The following STX11 variants were observed in gnomAD, a reference collection of about 807,000 sequenced individuals.
The protein encoded by STX11 is syntaxin 11.
STX11 carries 21 observed loss-of-function variants against 19.9 expected under a neutral mutation model. That is an observed-to-expected ratio of 1.06 (90% confidence interval 0.75 to 1.52). STX11 has a LOEUF of 1.52. STX11 is among the 40% of genes most tolerant of loss of function. The pLI, the probability that STX11 is intolerant of heterozygous loss-of-function variation, is 0.00. For synonymous variants in STX11, 193 were observed against 174.4 expected (o/e 1.11, Z -0.84); for missense variants, 438 against 405.9 (o/e 1.08, Z -0.68).
intron 1 of STX11, among the ~76,000 whole-genome samples, chr6:144,173,640 A>G (rs1398240179): frequency 6.6e-6 from 1 of 152,184 alleles, no homozygotes; most frequent in Non-Finnish European, 1.5e-5. Flanking sequence ...CACTTTCAAC[A>G]TTGTCTGGAG....
upstream of STX11, among the ~76,000 whole-genome samples, chr6:144,148,653 A>G (rs1029510413): frequency 5.3e-5 from 8 of 152,068 alleles, no homozygotes; most frequent in African/African-American, 1.9e-4. Flanking sequence ...GTTTTTCCCC[A>G]AGTCCTTTTT....
chr6:144,151,230 T>G lies in STX11; in HGVS notation c.-6+527T>G. ...CCTTCGAAGCCCACGTAAGACTTTGTTTTAGAAACATGGAGAGAAGTAGTG... is the reference window on the plus strand; with the variant it reads ...CCTTCGAAGCCCACGTAAGACTTTGGTTTAGAAACATGGAGAGAAGTAGTG... On this transcript the variant is annotated intron_variant, in intron 1 of 1. Transcript: ENST00000367568. This position sits in a 1 kb window ranked among gnomAD's most constrained non-coding sequence, Gnocchi z 4.6. The G allele has an allele frequency of 1.0e-6, 1 of 985,334 alleles. No individual in the cohort carries two copies. The highest frequency in any genetic ancestry group is 1.2e-6 in the Non-Finnish European group (1 of 829,884). 61.0% of individuals were successfully genotyped at this position (985,334 alleles called of 1,614,324 possible).
At chr6:144,163,173 G>C (rs1801386766) in intron 1 of STX11, among the ~76,000 whole-genome samples, 1 of 152,186 alleles carries the variant, frequency 6.6e-6, no homozygotes, top group Non-Finnish European at 1.5e-5. Flanking sequence ...AGTCGATAAT[G>C]GGGAAGTTGC....
At position 144,158,954 on chromosome 6, in the gene STX11, C is replaced by T. The variant is rs567317127; in HGVS notation, c.-6+8251C>T. On this transcript the variant is annotated intron_variant, in intron 1 of 1. Transcript: ENST00000367568. ...CCCTACCAAGCTAACTCCTTTTAAA[C>T]CTTTTAGGATCAGCTCAGACACCAC... Among the ~76,000 whole-genome samples the T allele has an allele frequency of 6.0e-4, 92 of 152,334 alleles. 1 individual carries two copies. The Middle Eastern group carries it at 0.017, about 28-fold the overall frequency.
the STX11 span, among the ~76,000 whole-genome samples, chr6:144,140,209 C>CATATATATATAT: frequency 5.0e-4 from 22 of 44,396 alleles, no homozygotes; most frequent in African/African-American, 9.1e-4. Flanking sequence ...GGTCAATTCA[C>CATATATATATAT]ATATATATAT....
In STX11 at chr6:144,190,268, C is replaced by A. The variant is rs1584068653; in HGVS notation, c.*2777C>A. Among the ~76,000 whole-genome samples, 1 of 152,158 alleles carries A rather than the reference C, an allele frequency of 6.6e-6. No homozygotes were observed. The highest frequency in any genetic ancestry group is 1.5e-5 in the Non-Finnish European group (1 of 68,028). On this transcript the variant is annotated 3_prime_UTR_variant, in exon 2 of 2. Coordinates refer to ENST00000367568, the MANE Select transcript of STX11 (RefSeq NM_003764.4). Reference sequence around the variant, plus strand: ...GCCACATACTAGCTGTCTGACTGAACCTTGGTTTTTCTGTGCTTCAGTTTC... The same window carrying A: ...GCCACATACTAGCTGTCTGACTGAAACTTGGTTTTTCTGTGCTTCAGTTTC...
Position 144,150,518 on chromosome 6 carries a change from G to C in STX11, c.-191G>C. 1 of 985,392 alleles carries C rather than the reference G, an allele frequency of 1.0e-6. No individual in the cohort carries two copies. The allele number at this position is 985,392 out of a possible 1,614,324, so 61.0% of individuals were successfully genotyped here. A position where few individuals can be genotyped will look rare whatever the true frequency, so the allele number is the denominator to read the frequency against. ...GCGGGGGCTGAGCCGGCGGCGCCCAGATGCGGCCGCGGCGGCGCGGAGCTC... is the reference window on the plus strand; with the variant it reads ...GCGGGGGCTGAGCCGGCGGCGCCCACATGCGGCCGCGGCGGCGCGGAGCTC... On this transcript the variant is annotated 5_prime_UTR_variant, in exon 1 of 2. Coordinates refer to ENST00000367568, the MANE Select transcript of STX11 (RefSeq NM_003764.4).
At position 144,191,759 on chromosome 6, in the gene STX11, C is replaced by T. The variant is rs550271731; in HGVS notation, c.*4268C>T. On this transcript the variant is annotated 3_prime_UTR_variant, in exon 2 of 2. Coordinates refer to ENST00000367568, the MANE Select transcript of STX11 (RefSeq NM_003764.4). ...TTGATAGCGGAGTTGAAAATCATTG[C>T]AATTAATAAAATGGGGCTATTAGAA... Among the ~76,000 whole-genome samples, 5 of 152,126 alleles carry T rather than the reference C, an allele frequency of 3.3e-5. No homozygotes were observed. In the South Asian group the frequency reaches 1.0e-3, roughly 32 times the overall value.
chr6:144,163,178 A>T (rs1286143718), intron 1 of STX11, among the ~76,000 whole-genome samples: 1 of 152,236 alleles, frequency 6.6e-6, no homozygotes, highest in Non-Finnish European at 1.5e-5. Flanking sequence ...ATAATGGGGA[A>T]GTTGCGTAAG....
intron 1 of STX11, among the ~76,000 whole-genome samples, chr6:144,158,409 T>C (rs1801234333): frequency 6.6e-6 from 1 of 152,070 alleles, no homozygotes; most frequent in Non-Finnish European, 1.5e-5. Flanking sequence ...GATAGCAGAG[T>C]GAGAGATGCC....
Position 144,186,961 on chromosome 6 carries a change from G to T in STX11, c.334G>T (p.Glu112Ter). The T allele has an allele frequency of 6.2e-7, 1 of 1,608,926 alleles. No individual in the cohort carries two copies. Among genetic ancestry groups the T allele is most frequent in the Non-Finnish European group, 8.5e-7 (1 of 1,179,726 alleles). ...GCTGCGCGCCATGAAGGAGCTGAGC[G>T]AGGCGGCTGAGGCCCAGCACGGCCC... ...CKLRAMKELSEAAEAQHGPHS... is the reference protein window; with the variant it reads ...CKLRAMKELS Residue 112 changes from glutamate (E) to a stop codon, truncating the protein, a stop_gained, in exon 2 of 2, where the codon GAG becomes TAG. Transcript: ENST00000367568. LOFTEE classifies it high-confidence loss of function.
upstream of STX11, among the ~76,000 whole-genome samples, chr6:144,146,304 T>C (rs1011392553): frequency 6.6e-6 from 1 of 152,220 alleles, no homozygotes; most frequent in Admixed American, 6.5e-5. The surrounding 1 kb of genome is among the most constrained non-coding windows in gnomAD (Gnocchi z 4.4). Flanking sequence ...AAGGTCCTTA[T>C]CGGTCATCAT....
intron 1 of STX11, among the ~76,000 whole-genome samples, chr6:144,178,839 C>CTT (rs571217730): frequency 2.0e-4 from 29 of 148,292 alleles, no homozygotes; most frequent in South Asian, 6.4e-4. Flanking sequence ...ACGATACAAG[C>CTT]TTTTTTTTTT....
chr6:144,187,173 G>A lies in STX11; in HGVS notation c.546G>A (p.Glu182=), dbSNP rs146949718. Residue 182 remains glutamate, a synonymous_variant, in exon 2 of 2, where the codon GAG becomes GAA. Transcript: ENST00000367568. The surrounding 1 kb of genome is among the most constrained non-coding windows in gnomAD (Gnocchi z 5.6). ...VSGDQIEDMF[E]QGKWDVFSEN... The stretch of plus-strand genomic sequence containing the variant: ...GCGACCAGATCGAGGACATGTTCGA[G>A]CAGGGTAAGTGGGACGTGTTTTCCG... 2.7e-3 allele frequency: 4,409 copies of A among 1,613,996 alleles called. 36 individuals are homozygous for A. Among genetic ancestry groups the A allele is most frequent in the Middle Eastern group, 0.021 (128 of 6,062 alleles).
rs1177639590 is a variant in STX11, at chr6:144,169,261, C to A, written c.-5-17362C>A. Among the ~76,000 whole-genome samples the A allele has an allele frequency of 2.0e-5, 3 of 152,188 alleles. No homozygotes were observed. Among genetic ancestry groups the A allele is most frequent in the Non-Finnish European group, 4.4e-5 (3 of 68,042 alleles). Reference sequence around the variant, plus strand: ...AGCTCTAGTCAGTGTCTTTCCGGGGCAATAACACCAAAACGGTGATGTTTT... The same window carrying A: ...AGCTCTAGTCAGTGTCTTTCCGGGGAAATAACACCAAAACGGTGATGTTTT... On this transcript the variant is annotated intron_variant, in intron 1 of 1. Transcript: ENST00000367568. This position sits in a 1 kb window ranked among gnomAD's most constrained non-coding sequence, Gnocchi z 5.2.
In STX11 at chr6:144,165,826, A is replaced by G. The variant is rs569320520; in HGVS notation, c.-6+15123A>G. 1.5e-3 allele frequency among the ~76,000 whole-genome samples: 221 copies of G among 152,344 alleles called. No individual in the cohort carries two copies. Among genetic ancestry groups the G allele is most frequent in the Non-Finnish European group, 2.8e-3 (191 of 68,036 alleles). On this transcript the variant is annotated intron_variant, in intron 1 of 1. Coordinates refer to ENST00000367568, the MANE Select transcript of STX11 (RefSeq NM_003764.4). This position sits in a 1 kb window ranked among gnomAD's most constrained non-coding sequence, Gnocchi z 5.8. ...TAAAGTTAACAAAGTGCTCTCATGTACATAACTTACGTAACTTAACAATCA... is the reference window on the plus strand; with the variant it reads ...TAAAGTTAACAAAGTGCTCTCATGTGCATAACTTACGTAACTTAACAATCA...
At chr6:144,143,960 GA>G in the STX11 span, among the ~76,000 whole-genome samples, 1 of 152,066 alleles carries the variant, frequency 6.6e-6, no homozygotes, top group African/African-American at 2.4e-5. Context: ...TGCTCTGTAA[GA>G]AAAAAACATA....
the STX11 span, among the ~76,000 whole-genome samples, chr6:144,140,247 TATATATATTTATTTA>T: frequency 4.3e-5 from 2 of 46,392 alleles, no homozygotes; most frequent in East Asian, 5.1e-4. Flanking sequence ...TATATATATA[TATATATATTTATTTA>T]TTTATTTTTT....
In STX11 at chr6:144,187,329, G is replaced by A; in HGVS notation, c.702G>A (p.Leu234=). 6.2e-7 allele frequency: 1 copy of A among 1,611,128 alleles called. No homozygotes were observed. Residue 234 remains leucine (L), a synonymous_variant, in exon 2 of 2, where the codon CTG becomes CTA. Transcript: ENST00000367568. The surrounding 1 kb of genome is among the most constrained non-coding windows in gnomAD (Gnocchi z 5.6). The part of the protein sequence containing the change: ...VHELFLQMAV[L]VEKQADTLNV... ...AGCTCTTCTTGCAGATGGCGGTGCTGGTGGAGAAGCAGGCCGACACCCTGA... is the reference window on the plus strand; with the variant it reads ...AGCTCTTCTTGCAGATGGCGGTGCTAGTGGAGAAGCAGGCCGACACCCTGA...
Sources: allele counts gnomAD v4.1 joint callset (sites outside exome capture counted in the v4.1 genomes callset), GRCh38; gene constraint gnomAD v4.1.1; non-coding constraint Gnocchi (gnomAD v3.1); transcripts MANE v1.5; gene names NCBI Gene and HGNC (gene_info 2026-07-23, HGNC 2026-07-21).